Variants in LIN9 observed in about 807,000 individuals in gnomAD.
LIN9 encodes protein lin-9 homolog.
In LIN9, 18 loss-of-function variants were observed where a neutral mutation model predicts 78.0. That is an observed-to-expected ratio of 0.23 (90% CI 0.16 to 0.34). The LOEUF is 0.34. Among genes scored for constraint, LIN9 ranks in the 10% least tolerant of loss-of-function variants. The pLI is 1.00. For missense variants in LIN9, 451 were observed against 644.1 expected, an observed-to-expected ratio of 0.70 and a Z score of 3.25; for synonymous variants, 192 against 215.2, an observed-to-expected ratio of 0.89 and a Z score of 0.94.
intron 4 of LIN9, 117 bp downstream of exon 4, chr1:226,295,725 C>G: frequency 1.7e-6 from 1 of 595,552 alleles, no homozygotes; most frequent in South Asian, 2.6e-5. Context: ...CCAGAGCAGC[C>G]GTACGAATTT....
rs1576311038 is a variant in LIN9, at chr1:226,265,124, T to G, written c.1038+409A>C. 1.3e-5 allele frequency among the ~76,000 whole-genome samples: 2 copies of G among 152,220 alleles called. No individual in the cohort carries two copies. Among genetic ancestry groups the G allele is most frequent in the East Asian group, 3.8e-4 (2 of 5,196 alleles). On this transcript the variant is annotated intron_variant, in intron 10 of 14. Coordinates refer to ENST00000681046, the MANE Select transcript of LIN9 (RefSeq NM_001366245.2). The surrounding 1 kb of genome is among the most constrained non-coding windows in gnomAD (Gnocchi z 4.1). ...CAGGTGAATACCTGTTTCTAGTCTC[T>G]GAAAAGAAATAAAATTTCTTCTAAC...
intron 11 of LIN9, among the ~76,000 whole-genome samples, chr1:226,243,268 G>A (rs1271213606): frequency 6.6e-6 from 1 of 152,126 alleles, no homozygotes; most frequent in African/African-American, 2.4e-5. Context: ...AAAACAATGA[G>A]ATTTATATTT....
In LIN9 at chr1:226,265,932, C is replaced by T. The variant is rs1659879390; in HGVS notation, c.936+281G>A. ...GACCTCGTGATCCGCCTGCCTCAGC[C>T]TCCCAAAGTGCTGGGATTACAGGCG... is the stretch of plus-strand genomic sequence containing the variant. On this transcript the variant is annotated intron_variant, in intron 9 of 14. Coordinates refer to ENST00000681046, the MANE Select transcript of LIN9 (RefSeq NM_001366245.2). This position sits in a 1 kb window ranked among gnomAD's most constrained non-coding sequence, Gnocchi z 4.1. 6.6e-6 allele frequency among the ~76,000 whole-genome samples: 1 copy of T among 152,142 alleles called. No individual in the cohort carries two copies. The highest frequency in any genetic ancestry group is 2.4e-5 in the African/African-American group (1 of 41,430).
intron 4 of LIN9, among the ~76,000 whole-genome samples, chr1:226,289,833 C>CTGG (rs1661612536): frequency 1.6e-4 from 1 of 6,402 alleles, no homozygotes; most frequent in Non-Finnish European, 3.3e-4. Flanking sequence ...AAGTAGTCCT[C>CTGG]CGGGGGGGGG....
chr1:226,241,590 G>A (rs550935078), intron 11 of LIN9, among the ~76,000 whole-genome samples: 1 of 152,342 alleles, frequency 6.6e-6, no homozygotes, highest in African/African-American at 2.4e-5. Flanking sequence ...CGGGTGCGGT[G>A]GCTCACGCCT....
At chr1:226,253,252 T>C (rs1486304640) in intron 10 of LIN9, among the ~76,000 whole-genome samples, 1 of 121,016 alleles carries the variant, frequency 8.3e-6, no homozygotes, top group African/African-American at 3.3e-5. Context: ...ACAAAGTGAC[T>C]GAAACCCTGT....
At chr1:226,300,492 A>G (rs1321403484) in intron 2 of LIN9, among the ~76,000 whole-genome samples, 3 of 152,304 alleles carry the variant, frequency 2.0e-5, no homozygotes, top group South Asian at 2.1e-4. Flanking sequence ...TCGAGGCTAC[A>G]GTGAACTGTA....
At chr1:226,280,791 C>CA (rs965721887) in intron 6 of LIN9, among the ~76,000 whole-genome samples, 7 of 151,420 alleles carry the variant, frequency 4.6e-5, no homozygotes, top group Non-Finnish European at 7.4e-5. Context: ...AACACATAAA[C>CA]AAAAAAAACC....
At chr1:226,251,058 T>C in intron 10 of LIN9, 139 bp from the exon 11 acceptor site, 2 of 490,572 alleles carry the variant, frequency 4.1e-6, no homozygotes, top group Non-Finnish European at 7.1e-6. Context: ...CATAGCATTG[T>C]TTTGGTTTTT....
At chr1:226,286,051 C>A (rs1661363541) in intron 6 of LIN9, among the ~76,000 whole-genome samples, 1 of 152,154 alleles carries the variant, frequency 6.6e-6, no homozygotes, top group Non-Finnish European at 1.5e-5. Flanking sequence ...TGTTTTGGTA[C>A]TAGTCATTTT....
intron 11 of LIN9, among the ~76,000 whole-genome samples, chr1:226,240,162 C>T (rs545651919): frequency 1.3e-5 from 2 of 152,310 alleles, no homozygotes; most frequent in East Asian, 3.9e-4. Context: ...ACAGCACACA[C>T]TATTAATGAT....
chr1:226,250,878 G>A lies in LIN9; in HGVS notation c.1080C>T (p.Ile360=). The change falls in exon 11 of 15, where the codon ATC becomes ATT. Residue 360 remains isoleucine (I), a synonymous_variant. Coordinates refer to ENST00000681046, the MANE Select transcript of LIN9 (RefSeq NM_001366245.2). ...CTGTGTTCATTTCCCTTAATTTCTT[G>A]ATATGTTCCTTTTTAATCATGAGAA... ...SKILMIKKEH[I]KKLREMNTEA... 6.5e-7 allele frequency: 1 copy of A among 1,542,614 alleles called. No homozygotes were observed. The highest frequency in any genetic ancestry group is 1.2e-5 in the South Asian group (1 of 84,772).
intron 12 of LIN9, among the ~76,000 whole-genome samples, chr1:226,237,099 T>C (rs145658892): frequency 6.6e-6 from 1 of 152,320 alleles, no homozygotes; most frequent in African/African-American, 2.4e-5. Context: ...TTGAGAAGAT[T>C]AAATCACTTT....
intron 10 of LIN9, among the ~76,000 whole-genome samples, chr1:226,264,790 A>C (rs1454558174): frequency 6.6e-6 from 1 of 152,180 alleles, no homozygotes; most frequent in Non-Finnish European, 1.5e-5. Flanking sequence ...TAGAGGTTGC[A>C]GTGAGCCCAG....
rs530151946 is a variant in LIN9, at chr1:226,305,621, G to T, written c.31+3488C>A. ...AGTTAACTGAAAGTAAGGGGGGTGTGGGGGGGTAGCATTCCAGGTTGAGAG... is the reference window on the plus strand; with the variant it reads ...AGTTAACTGAAAGTAAGGGGGGTGTTGGGGGGTAGCATTCCAGGTTGAGAG... On this transcript the variant is annotated intron_variant, in intron 1 of 14. Transcript: ENST00000681046. 2.8e-4 allele frequency among the ~76,000 whole-genome samples: 43 copies of T among 151,932 alleles called. No homozygotes were observed. The East Asian group carries it at 3.9e-3, about 14-fold the overall frequency.
intron 1 of LIN9, among the ~76,000 whole-genome samples, chr1:226,306,963 C>T (rs748292549): frequency 1.1e-4 from 17 of 152,162 alleles, no homozygotes; most frequent in African/African-American, 3.6e-4. Flanking sequence ...ACAAGACATA[C>T]GCTTCACAAA....
intron 1 of LIN9, among the ~76,000 whole-genome samples, chr1:226,303,930 G>A (rs1329825814): frequency 6.6e-6 from 1 of 152,162 alleles, no homozygotes; most frequent in Non-Finnish European, 1.5e-5. Flanking sequence ...CTAGATGCAG[G>A]ATAGCATAGT....
In LIN9 at chr1:226,266,414, A is replaced by G; in HGVS notation, c.817-82T>C. ...TATAATCATTGTATTTCAGCTTGAG[A>G]TATATATTCACGCATATTCTATGAT... On this transcript the variant is annotated intron_variant, in intron 8 of 14. Transcript: ENST00000681046. 9 of 1,170,792 alleles carry G rather than the reference A, an allele frequency of 7.7e-6. No homozygotes were observed. The South Asian group carries it at 1.6e-4, about 21-fold the overall frequency. The allele number at this position is 1,170,792 out of a possible 1,614,324, so 72.5% of individuals were successfully genotyped here.
At chr1:226,253,171 G>A (rs1014918427) in intron 10 of LIN9, among the ~76,000 whole-genome samples, 1 of 150,624 alleles carries the variant, frequency 6.6e-6, no homozygotes, top group African/African-American at 2.4e-5. Flanking sequence ...GCTGAGGCGG[G>A]AGGATTGCTT....
Sources: allele counts gnomAD v4.1 joint callset (sites outside exome capture counted in the v4.1 genomes callset), GRCh38; gene constraint gnomAD v4.1.1; non-coding constraint Gnocchi (gnomAD v3.1); transcripts MANE v1.5; gene names NCBI Gene and HGNC (gene_info 2026-07-23, HGNC 2026-07-21).